The following GALNT13 variants were observed in gnomAD, a reference collection of about 807,000 sequenced individuals.
GALNT13 encodes the protein polypeptide N-acetylgalactosaminyltransferase 13.
A neutral mutation model predicts 64.2 loss-of-function variants in GALNT13; 28 were observed. The ratio of observed to expected loss-of-function variants is 0.44; its 90% CI spans 0.32 to 0.60. The LOEUF (loss-of-function observed/expected upper bound fraction) is 0.60, where lower values mean the gene tolerates loss of function less well. Ranked by LOEUF, GALNT13 falls within the 20% of genes least tolerant of loss-of-function variation. The pLI, the probability that GALNT13 is intolerant of heterozygous loss-of-function variation, is 0.05. For synonymous variants in GALNT13, 214 were observed against 224.6 expected (o/e 0.95, Z 0.42); for missense variants, 577 against 669.8 (o/e 0.86, Z 1.53).
At chr2:154,323,106 A>T (rs1694711079) in intron 9 of GALNT13, among the ~76,000 whole-genome samples, 1 of 151,808 alleles carries the variant, frequency 6.6e-6, no homozygotes, top group Admixed American at 6.6e-5. Context: ...CTCAGATTCA[A>T]GGAGATGGAT....
At chr2:153,613,282 T>A in the GALNT13 span, among the ~76,000 whole-genome samples, 1 of 152,200 alleles carries the variant, frequency 6.6e-6, no homozygotes, top group East Asian at 1.9e-4. Flanking sequence ...TTGAGAAGAT[T>A]GCGAATTTGG....
At chr2:153,630,840 C>A in the GALNT13 span, among the ~76,000 whole-genome samples, 2 of 86,964 alleles carry the variant, frequency 2.3e-5, no homozygotes, top group Non-Finnish European at 4.2e-5. Context: ...ACTTTAAGTT[C>A]TAGGGTACAT....
intron 2 of GALNT13, among the ~76,000 whole-genome samples, chr2:153,916,657 A>G (rs187638479): frequency 4.1e-4 from 62 of 152,310 alleles, no homozygotes; most frequent in Non-Finnish European, 7.6e-4. Flanking sequence ...GAATATGATA[A>G]TATATTCAAA....
chr2:154,101,006 G>T (rs531424196), intron 3 of GALNT13, among the ~76,000 whole-genome samples: 1 of 152,004 alleles, frequency 6.6e-6, no homozygotes, highest in Non-Finnish European at 1.5e-5. Flanking sequence ...TGTGAATCAC[G>T]TTCATTGATT....
At chr2:153,427,942 G>T in the GALNT13 span, among the ~76,000 whole-genome samples, 1 of 152,044 alleles carries the variant, frequency 6.6e-6, no homozygotes, top group East Asian at 1.9e-4. Context: ...ACTTAATATT[G>T]TTAAGTGAAT....
chr2:154,274,921 G>A (rs1212715139), intron 8 of GALNT13, among the ~76,000 whole-genome samples: 1 of 152,110 alleles, frequency 6.6e-6, no homozygotes, highest in Admixed American at 6.5e-5. Context: ...AATGCTGATA[G>A]TGATACGGAC....
intron 4 of GALNT13, among the ~76,000 whole-genome samples, chr2:154,234,771 ATTCAACCCC>A (rs1208686644): frequency 6.6e-6 from 1 of 152,128 alleles, no homozygotes; most frequent in East Asian, 1.9e-4. Context: ...CCTTTCATCC[ATTCAACCCC>A]TTATTAACAA....
the GALNT13 span, among the ~76,000 whole-genome samples, chr2:153,722,868 C>G: frequency 4.5e-4 from 68 of 150,808 alleles, no homozygotes; most frequent in Non-Finnish European, 7.5e-4. Flanking sequence ...CGAATTCTAC[C>G]AGAGGTACAA....
At chr2:153,372,576 G>T in the GALNT13 span, among the ~76,000 whole-genome samples, 3 of 151,870 alleles carry the variant, frequency 2.0e-5, no homozygotes, top group South Asian at 6.2e-4. Flanking sequence ...AACCAGGGGG[G>T]CAGAGGTTGC....
At chr2:153,467,010 C>T in the GALNT13 span, among the ~76,000 whole-genome samples, 1 of 151,846 alleles carries the variant, frequency 6.6e-6, no homozygotes, top group Admixed American at 6.6e-5. Flanking sequence ...AGGTAGTCCA[C>T]AAAAAAGTCT....
intron 3 of GALNT13, among the ~76,000 whole-genome samples, chr2:154,098,637 A>G (rs570922901): frequency 6.6e-6 from 1 of 151,986 alleles, no homozygotes; most frequent in African/African-American, 2.4e-5. Context: ...GTTTATGTGT[A>G]CCCATTGTTT....
At chr2:154,348,389 G>C (rs930031017) in intron 9 of GALNT13, among the ~76,000 whole-genome samples, 3 of 151,986 alleles carry the variant, frequency 2.0e-5, no homozygotes, top group Non-Finnish European at 4.4e-5. Flanking sequence ...AGTGTTAATA[G>C]TGCTTAATAG....
At chr2:153,481,602 G>A in the GALNT13 span, among the ~76,000 whole-genome samples, 1 of 152,142 alleles carries the variant, frequency 6.6e-6, no homozygotes. Flanking sequence ...TACTTCATTG[G>A]AAATAGGTAG....
chr2:153,481,287 C>T, the GALNT13 span, among the ~76,000 whole-genome samples: 1 of 152,138 alleles, frequency 6.6e-6, no homozygotes, highest in Non-Finnish European at 1.5e-5. Context: ...CATTAATTGA[C>T]TTAAGGGGAT....
chr2:153,923,045 G>A (rs1053024918), intron 2 of GALNT13, among the ~76,000 whole-genome samples: 3 of 151,778 alleles, frequency 2.0e-5, no homozygotes, highest in East Asian at 1.9e-4. Flanking sequence ...GATTACAGGC[G>A]CCTGCCACAG....
the GALNT13 span, among the ~76,000 whole-genome samples, chr2:153,523,862 G>A: frequency 6.6e-6 from 1 of 152,152 alleles, no homozygotes; most frequent in Non-Finnish European, 1.5e-5. Context: ...GTGGTGAGAT[G>A]ACCTTGTTCC....
At chr2:153,101,032 A>T in the GALNT13 span, among the ~76,000 whole-genome samples, 1 of 152,046 alleles carries the variant, frequency 6.6e-6, no homozygotes, top group Admixed American at 6.6e-5. Flanking sequence ...ACAGAGTGAG[A>T]CTCTGTCTCA....
the GALNT13 span, among the ~76,000 whole-genome samples, chr2:153,653,168 G>C: frequency 1.4e-5 from 2 of 145,632 alleles, no homozygotes; most frequent in Non-Finnish European, 3.1e-5. Flanking sequence ...AACAGATGCT[G>C]AAATAACAAT....
At chr2:153,218,585 G>T in the GALNT13 span, among the ~76,000 whole-genome samples, 2 of 152,152 alleles carry the variant, frequency 1.3e-5, no homozygotes, top group Non-Finnish European at 2.9e-5. Flanking sequence ...CCTCTTCCAG[G>T]CCTGAACTAT....
Sources: gnomAD v4.1 joint callset for allele counts (sites outside exome capture counted in the v4.1 genomes callset) on GRCh38, gnomAD v4.1.1 for gene constraint, MANE v1.5 for transcripts, NCBI Gene and HGNC (gene_info 2026-07-23, HGNC 2026-07-21) for gene names.